The following RBFOX1 variants were observed in gnomAD, a reference collection of about 807,000 sequenced individuals.
The protein encoded by RBFOX1 is RNA binding protein fox-1 homolog 1.
Under a neutral mutation model 57.7 loss-of-function variants are expected in RBFOX1, and 8 were observed. The ratio of observed to expected loss-of-function variants is 0.14; its 90% confidence interval spans 0.08 to 0.25. The LOEUF is 0.25. Among genes scored for constraint, RBFOX1 ranks in the 10% least tolerant of loss-of-function variants. The probability of loss-of-function intolerance (pLI) is 1.00; values close to 1 mark genes in which losing one functional copy is unlikely to be tolerated. For missense variants in RBFOX1, 611 were observed against 548.5 expected (o/e 1.11, Z -1.14); for synonymous variants, 326 against 222.4 (o/e 1.47, Z -4.15).
intron 4 of RBFOX1, among the ~76,000 whole-genome samples, chr16:7,193,556 G>C (rs1173083450): frequency 1.3e-5 from 2 of 152,226 alleles, no homozygotes; most frequent in Non-Finnish European, 2.9e-5. Flanking sequence ...ACACGTGCCA[G>C]ATGCTCTTAT....
intron 1 of RBFOX1, among the ~76,000 whole-genome samples, chr16:5,387,198 C>G (rs1161048938): frequency 1.3e-5 from 2 of 152,168 alleles, no homozygotes; most frequent in Non-Finnish European, 2.9e-5. Flanking sequence ...GTGCTTGGCC[C>G]TTAACAGGCT....
intron 3 of RBFOX1, among the ~76,000 whole-genome samples, chr16:5,777,671 G>A (rs145122539): frequency 5.6e-4 from 86 of 152,334 alleles, no homozygotes; most frequent in African/African-American, 1.9e-3. Context: ...TAGGGTTGTT[G>A]TGAGACTTAA....
intron 4 of RBFOX1, among the ~76,000 whole-genome samples, chr16:5,920,059 G>C (rs565789082): frequency 1.3e-5 from 2 of 152,208 alleles, no homozygotes; most frequent in African/African-American, 4.8e-5. Flanking sequence ...TCAGCCTCCC[G>C]AGTAGCGGGG....
rs182075476 is a variant in RBFOX1, at chr16:6,392,312, A to G, written c.-64+75255A>G. 9.6e-4 allele frequency among the ~76,000 whole-genome samples: 147 copies of G among 152,360 alleles called. 2 individuals carry two copies. The highest frequency in any genetic ancestry group is 1.7e-3 in the Non-Finnish European group (118 of 68,030). ...TGAATTTCGAAGAAGCATCTGTAGT[A>G]AGAATATTTACACGGTTTTTCTAGG... On this transcript the variant is annotated intron_variant, in intron 2 of 15. Coordinates refer to ENST00000550418, the MANE Select transcript of RBFOX1 (RefSeq NM_018723.4).
At chr16:5,354,081 C>CA (rs2065328479) in intron 1 of RBFOX1, among the ~76,000 whole-genome samples, 1 of 151,808 alleles carries the variant, frequency 6.6e-6, no homozygotes, top group African/African-American at 2.4e-5. Context: ...CAGTCTCCAC[C>CA]GGCCCCTTAC....
At chr16:6,775,845 T>C (rs933011797) in intron 3 of RBFOX1, 6 of 152,202 alleles carry the variant, frequency 3.9e-5, no homozygotes, top group African/African-American at 1.4e-4. Flanking sequence ...AAATCAGTTA[T>C]TGTTGAAAGC....
intron 4 of RBFOX1, among the ~76,000 whole-genome samples, chr16:5,898,325 A>G (rs889412640): frequency 5.9e-5 from 9 of 152,084 alleles, no homozygotes; most frequent in Non-Finnish European, 1.2e-4. Flanking sequence ...TGGCCAAACC[A>G]TGTCAGGGTA....
intron 5 of RBFOX1, among the ~76,000 whole-genome samples, chr16:7,576,999 G>A (rs11647349): frequency 0.42 from 64,357 of 151,984 alleles, 13,972 homozygotes; most frequent in East Asian, 0.53. Context: ...TGTCATGGAC[G>A]TGGCACCAAA....
At chr16:5,406,925 G>C (rs1406137911) in intron 1 of RBFOX1, among the ~76,000 whole-genome samples, 1 of 152,168 alleles carries the variant, frequency 6.6e-6, no homozygotes, top group Non-Finnish European at 1.5e-5. Context: ...ATTCATCTTG[G>C]AGGGAAGTCA....
chr16:6,745,847 T>C (rs1441415855), intron 3 of RBFOX1, among the ~76,000 whole-genome samples: 1 of 152,170 alleles, frequency 6.6e-6, no homozygotes, highest in Non-Finnish European at 1.5e-5. Flanking sequence ...CTGTCTTTAT[T>C]CATAGGCAGC....
intron 4 of RBFOX1, among the ~76,000 whole-genome samples, chr16:7,455,785 C>CAAAAAAAAAAAAAAAAAAAAAAAAAA (rs369544031): frequency 1.2e-5 from 1 of 82,808 alleles, no homozygotes; most frequent in African/African-American, 5.1e-5. Flanking sequence ...GACTCCATCT[C>CAAAAAAAAAAAAAAAAAAAAAAAAAA]AAAAAAAAAA....
chr16:5,932,990 A>T (rs980902117), intron 4 of RBFOX1, among the ~76,000 whole-genome samples: 30 of 152,334 alleles, frequency 2.0e-4, no homozygotes, highest in African/African-American at 7.2e-4. Context: ...TTTTAACAGC[A>T]TGACGCCACT....
intron 3 of RBFOX1, among the ~76,000 whole-genome samples, chr16:5,770,829 C>T (rs1434361745): frequency 6.6e-6 from 1 of 152,240 alleles, no homozygotes; most frequent in Non-Finnish European, 1.5e-5. Context: ...CTATGCCAAG[C>T]CCATGACAGA....
intron 3 of RBFOX1, among the ~76,000 whole-genome samples, chr16:6,823,790 T>G (rs1378304190): frequency 6.6e-6 from 1 of 151,870 alleles, no homozygotes; most frequent in African/African-American, 2.4e-5. Context: ...ATAGGAAAAC[T>G]AATAATAGGA....
chr16:6,737,479 C>G (rs2070719309), intron 3 of RBFOX1, among the ~76,000 whole-genome samples: 1 of 152,200 alleles, frequency 6.6e-6, no homozygotes. Context: ...TACTCCTTGT[C>G]CAGTTCAGAT....
intron 2 of RBFOX1, among the ~76,000 whole-genome samples, chr16:6,551,209 T>G (rs2096983308): frequency 6.6e-6 from 1 of 152,214 alleles, no homozygotes; most frequent in African/African-American, 2.4e-5. Flanking sequence ...TCTCACTAAT[T>G]CAGCAAATGT....
intron 3 of RBFOX1, among the ~76,000 whole-genome samples, chr16:5,684,750 C>G (rs1567394467): frequency 2.6e-5 from 4 of 152,180 alleles, no homozygotes. Flanking sequence ...TAATGAAGTG[C>G]ATCCAAATAA....
intron 3 of RBFOX1, among the ~76,000 whole-genome samples, chr16:5,794,984 A>C (rs568516641): frequency 7.0e-4 from 106 of 152,316 alleles, no homozygotes; most frequent in African/African-American, 2.5e-3. Context: ...AGAAGGAGTC[A>C]CATTCAAGCC....
chr16:7,231,918 C>A (rs1425255787), intron 4 of RBFOX1, among the ~76,000 whole-genome samples: 4 of 152,054 alleles, frequency 2.6e-5, no homozygotes, highest in African/African-American at 9.7e-5. Flanking sequence ...TGGGGAATAA[C>A]CATTAAATAG....
Sources: allele counts gnomAD v4.1 joint callset (sites outside exome capture counted in the v4.1 genomes callset), GRCh38; gene constraint gnomAD v4.1.1; transcripts MANE v1.5; gene names NCBI Gene and HGNC (gene_info 2026-07-23, HGNC 2026-07-21).